The following TFEC variants were observed in gnomAD, a reference collection of about 807,000 sequenced individuals.
TFEC encodes the protein class E basic helix-loop-helix protein 34.
In TFEC, 31 loss-of-function variants were observed where a neutral mutation model predicts 41.6. The observed-to-expected ratio is 0.74, with a 90% CI of 0.56 to 1.01. The LOEUF (loss-of-function observed/expected upper bound fraction) is 1.01. Ranked by LOEUF, TFEC falls within the 50% of genes least tolerant of loss-of-function variation. The pLI, the probability that TFEC is intolerant of heterozygous loss-of-function variation, is 0.00. For missense variants in TFEC, 402 were observed against 404.1 expected (o/e 0.99, Z 0.04); for synonymous variants, 143 against 140.6 (o/e 1.02, Z -0.12).
intron 2 of TFEC, 40 bp from the exon 3 acceptor site, chr7:115,974,296 A>T (rs1318471359): frequency 7.0e-7 from 1 of 1,422,188 alleles, no homozygotes; most frequent in African/African-American, 1.5e-5. Context: ...GTACATAATG[A>T]TAAAAGTTGT....
upstream of TFEC, among the ~76,000 whole-genome samples, chr7:116,032,839 GTTAAAAATTT>G (rs1795820975): frequency 6.6e-6 from 1 of 151,900 alleles, no homozygotes; most frequent in Non-Finnish European, 1.5e-5. Context: ...TAAAATAATA[GTTAAAAATTT>G]TTAAAAATCA....
chr7:116,019,150 G>A (rs1795302574), intron 1 of TFEC, among the ~76,000 whole-genome samples: 1 of 152,138 alleles, frequency 6.6e-6, no homozygotes, highest in Non-Finnish European at 1.5e-5. Context: ...CTGGAAGACT[G>A]AGAGCTATGG....
At chr7:116,044,126 T>C (rs1303522116) in intron 3 of TFEC, among the ~76,000 whole-genome samples, 1 of 152,308 alleles carries the variant, frequency 6.6e-6, no homozygotes, top group East Asian at 1.9e-4. Flanking sequence ...ATGTTAAGTT[T>C]TACTCAGAAG....
intron 3 of TFEC, among the ~76,000 whole-genome samples, chr7:116,055,569 C>T (rs1418058771): frequency 1.3e-5 from 2 of 151,812 alleles, no homozygotes; most frequent in Admixed American, 1.3e-4. Context: ...AGGAAATATA[C>T]ATGGATTATA....
At chr7:115,976,089 C>A (rs530345224) in intron 2 of TFEC, among the ~76,000 whole-genome samples, 2 of 152,180 alleles carry the variant, frequency 1.3e-5, no homozygotes, top group South Asian at 4.2e-4. Context: ...GTTAGTGTAA[C>A]TGCGAAAATG....
upstream of TFEC, among the ~76,000 whole-genome samples, chr7:116,034,921 A>G (rs973656677): frequency 8.6e-5 from 13 of 151,732 alleles, no homozygotes; most frequent in African/African-American, 3.1e-4. Context: ...CTTGTCTGAA[A>G]TTCCACCATT....
At chr7:116,154,921 C>G (rs1369728765) in intron 1 of TFEC, among the ~76,000 whole-genome samples, 2 of 152,164 alleles carry the variant, frequency 1.3e-5, no homozygotes, top group Non-Finnish European at 2.9e-5. Context: ...TCACAGGGGT[C>G]TCAGCCTTGG....
chr7:116,140,555 TAACAA>T (rs1224855091), intron 1 of TFEC, among the ~76,000 whole-genome samples: 1 of 151,922 alleles, frequency 6.6e-6, no homozygotes, highest in Non-Finnish European at 1.5e-5. Flanking sequence ...TTAAAACTAA[TAACAA>T]AACAGATATG....
intron 3 of TFEC, among the ~76,000 whole-genome samples, chr7:116,071,419 C>T (rs1189068611): frequency 2.7e-5 from 4 of 149,992 alleles, no homozygotes; most frequent in African/African-American, 4.9e-5. Flanking sequence ...GATAGCAATA[C>T]AGAAATATTT....
At chr7:116,024,692 A>C (rs1411161078) in intron 1 of TFEC, among the ~76,000 whole-genome samples, 3 of 152,174 alleles carry the variant, frequency 2.0e-5, no homozygotes, top group Non-Finnish European at 4.4e-5. Flanking sequence ...ACTGCTACTC[A>C]AGCAAGAATA....
chr7:116,095,421 C>T (rs1166901003), intron 3 of TFEC, among the ~76,000 whole-genome samples: 1 of 152,002 alleles, frequency 6.6e-6, no homozygotes, highest in Non-Finnish European at 1.5e-5. Context: ...CACATACACA[C>T]ATACACATAT....
At chr7:116,076,359 C>T (rs1796960061) in intron 3 of TFEC, among the ~76,000 whole-genome samples, 1 of 151,976 alleles carries the variant, frequency 6.6e-6, no homozygotes, top group Non-Finnish European at 1.5e-5. Flanking sequence ...TATGACAAGA[C>T]ATGTTTCTTT....
chr7:115,939,909 C>T lies in TFEC; in HGVS notation c.*642G>A, dbSNP rs1793402651. ...GCTTTTAGAATTAGTGTAATTGAACCAACTACAATAAAATGAGGATCTAAT... is the reference window on the plus strand; with the variant it reads ...GCTTTTAGAATTAGTGTAATTGAACTAACTACAATAAAATGAGGATCTAAT... On this transcript the variant is annotated 3_prime_UTR_variant, in exon 8 of 8. Coordinates refer to ENST00000265440, the MANE Select transcript of TFEC (RefSeq NM_012252.4). The T allele has an allele frequency of 6.6e-6, 1 of 151,918 alleles. No individual in the cohort carries two copies. The highest frequency in any genetic ancestry group is 2.4e-5 in the African/African-American group (1 of 41,388). 9.4% of individuals were successfully genotyped at this position (151,918 alleles called of 1,614,324 possible).
At chr7:115,958,677 A>C (rs1792366150) in intron 3 of TFEC, among the ~76,000 whole-genome samples, 1 of 151,912 alleles carries the variant, frequency 6.6e-6, no homozygotes, top group Non-Finnish European at 1.5e-5. Flanking sequence ...TTCCTTAGAA[A>C]TGGGGTTTAA....
intron 3 of TFEC, among the ~76,000 whole-genome samples, chr7:116,093,921 CA>C (rs986878148): frequency 2.3e-4 from 35 of 152,222 alleles, no homozygotes; most frequent in African/African-American, 8.4e-4. Context: ...AGGCGGTTTG[CA>C]AAACTTTTGT....
At chr7:116,008,652 G>A (rs964784070) in intron 1 of TFEC, among the ~76,000 whole-genome samples, 1 of 152,174 alleles carries the variant, frequency 6.6e-6, no homozygotes, top group Non-Finnish European at 1.5e-5. Context: ...CTGCAGTAAA[G>A]ATTAATAACT....
intron 1 of TFEC, among the ~76,000 whole-genome samples, chr7:116,150,430 A>G (rs1798736557): frequency 6.6e-6 from 1 of 152,188 alleles, no homozygotes; most frequent in East Asian, 1.9e-4. Context: ...GGGACACCCA[A>G]TACAATATTG....
At chr7:116,087,427 T>A (rs1465908413) in intron 3 of TFEC, among the ~76,000 whole-genome samples, 2 of 152,038 alleles carry the variant, frequency 1.3e-5, no homozygotes, top group Non-Finnish European at 2.9e-5. Flanking sequence ...GTTGCCTATA[T>A]TATGTCTATT....
chr7:116,039,405 A>G (rs1255561218), intron 3 of TFEC, among the ~76,000 whole-genome samples: 1 of 150,036 alleles, frequency 6.7e-6, no homozygotes, highest in East Asian at 1.9e-4. Flanking sequence ...GATAAAAACT[A>G]AAACAAAAGA....
Sources: allele counts gnomAD v4.1 joint callset (sites outside exome capture counted in the v4.1 genomes callset), GRCh38; gene constraint gnomAD v4.1.1; transcripts MANE v1.5; gene names NCBI Gene and HGNC (gene_info 2026-07-23, HGNC 2026-07-21).